MAGI3: variants seen among roughly 807,000 people sequenced by gnomAD.
The protein encoded by MAGI3 is membrane associated guanylate kinase, WW and PDZ domain containing 3.
MAGI3 carries 43 observed loss-of-function variants against 121.8 expected under a neutral mutation model. The observed-to-expected ratio is 0.35, with a 90% confidence interval of 0.28 to 0.46. MAGI3 has a LOEUF of 0.46. Among genes scored for constraint, MAGI3 ranks in the 20% least tolerant of loss-of-function variants. The pLI is 1.00. For missense variants in MAGI3, 1,547 were observed against 1,797.3 expected, an observed-to-expected ratio of 0.86 and a Z score of 2.52; for synonymous variants, 553 against 639.3, an observed-to-expected ratio of 0.86 and a Z score of 2.04.
intron 1 of MAGI3, among the ~76,000 whole-genome samples, chr1:113,461,554 A>G (rs2101517627): frequency 6.6e-6 from 1 of 152,344 alleles, no homozygotes; most frequent in Non-Finnish European, 1.5e-5. Context: ...CCTTCCTTGC[A>G]CCATATATAA....
intron 16 of MAGI3, among the ~76,000 whole-genome samples, chr1:113,662,257 ATATGG>A (rs1404328983): frequency 2.0e-5 from 3 of 152,110 alleles, no homozygotes; most frequent in Non-Finnish European, 4.4e-5. Context: ...GTTGCCAAGG[ATATGG>A]TAAGGCAAGT....
At chr1:113,524,841 T>C (rs990782978) in intron 1 of MAGI3, among the ~76,000 whole-genome samples, 2 of 152,180 alleles carry the variant, frequency 1.3e-5, no homozygotes, top group African/African-American at 4.8e-5. Context: ...CAGAATGATA[T>C]GGTTTGGCTG....
At chr1:113,483,460 T>A (rs1425497173) in intron 1 of MAGI3, among the ~76,000 whole-genome samples, 1 of 152,192 alleles carries the variant, frequency 6.6e-6, no homozygotes, top group Non-Finnish European at 1.5e-5. Flanking sequence ...GTCCTCTGGC[T>A]TGTGAGGGCA....
At chr1:113,436,812 T>G (rs1206189083) in intron 1 of MAGI3, among the ~76,000 whole-genome samples, 1 of 122,556 alleles carries the variant, frequency 8.2e-6, no homozygotes, top group Admixed American at 7.9e-5. Context: ...AAAGACAGTC[T>G]TTTTTTTTTT....
intron 1 of MAGI3, among the ~76,000 whole-genome samples, chr1:113,444,043 A>T (rs770292270): frequency 3.7e-4 from 57 of 152,254 alleles, no homozygotes; most frequent in Non-Finnish European, 7.3e-4. Context: ...TCTGGAGTCT[A>T]CTGAAGGCTT....
chr1:113,654,043 C>T, intron 15 of MAGI3, 25 bp downstream of exon 15: 2 of 1,574,284 alleles, frequency 1.3e-6, no homozygotes, highest in Non-Finnish European at 1.7e-6. Flanking sequence ...ATCTTATTGT[C>T]TCTCCCTGCA....
chr1:113,413,512 A>G (rs1019208492), intron 1 of MAGI3, among the ~76,000 whole-genome samples: 9 of 152,198 alleles, frequency 5.9e-5, no homozygotes, highest in African/African-American at 1.9e-4. Flanking sequence ...ATCCATGTGC[A>G]TGGAATATTC....
chr1:113,554,395 C>T (rs1659903878), intron 2 of MAGI3, among the ~76,000 whole-genome samples: 1 of 149,862 alleles, frequency 6.7e-6, no homozygotes, highest in African/African-American at 2.5e-5. Flanking sequence ...GAACACGTAG[C>T]AATATAAACT....
At chr1:113,397,596 G>C (rs569411102) in intron 1 of MAGI3, among the ~76,000 whole-genome samples, 4 of 152,280 alleles carry the variant, frequency 2.6e-5, no homozygotes, top group African/African-American at 7.2e-5. Flanking sequence ...AAATTATTTT[G>C]TACAAGGGCA....
intron 1 of MAGI3, among the ~76,000 whole-genome samples, chr1:113,420,223 TG>T (rs1300248735): frequency 1.3e-5 from 2 of 152,174 alleles, no homozygotes; most frequent in Non-Finnish European, 2.9e-5. Flanking sequence ...TAAACATTGG[TG>T]GGTCTACACG....
rs529026621 is a variant in MAGI3 at position 113,654,197 on chromosome 1, T to G, written c.2629+179T>G. On this transcript the variant is annotated intron_variant, in intron 15 of 20. Coordinates refer to ENST00000307546, the MANE Select transcript of MAGI3 (RefSeq NM_001142782.2). ...GTAATTTGAACCGAACCTTCCAGGC[T>G]TCAAGTTTATCTATTATCTCACATT... 1.2e-3 allele frequency among the ~76,000 whole-genome samples: 180 copies of G among 152,352 alleles called. 3 individuals are homozygous for G. The highest frequency in any genetic ancestry group is 9.9e-3 in the South Asian group (48 of 4,826).
chr1:113,495,135 A>G (rs1327384124), intron 1 of MAGI3, among the ~76,000 whole-genome samples: 1 of 152,178 alleles, frequency 6.6e-6, no homozygotes. Context: ...AAATGCAACA[A>G]AATTGAAACC....
intron 1 of MAGI3, among the ~76,000 whole-genome samples, chr1:113,441,784 C>T (rs1376682465): frequency 6.6e-6 from 1 of 152,090 alleles, no homozygotes; most frequent in Admixed American, 6.5e-5. Flanking sequence ...AAGTTAAGAA[C>T]ATGGAAGATT....
chr1:113,419,739 A>G (rs1327926422), intron 1 of MAGI3, among the ~76,000 whole-genome samples: 2 of 152,200 alleles, frequency 1.3e-5, no homozygotes, highest in Non-Finnish European at 2.9e-5. Flanking sequence ...CACAAATTCA[A>G]TGGCATAAAA....
chr1:113,682,480 C>T, intron 20 of MAGI3: 1 of 1,334,332 alleles, frequency 7.5e-7, no homozygotes, highest in East Asian at 3.0e-5. Flanking sequence ...TTCTGGTTAC[C>T]ACAGTTTGGT....
Position 113,652,562 on chromosome 1 carries a change from A to C in MAGI3, c.2441-1268A>C, listed in dbSNP as rs540553718. On this transcript the variant is annotated intron_variant, in intron 14 of 20. Coordinates refer to ENST00000307546, the MANE Select transcript of MAGI3 (RefSeq NM_001142782.2). ...TTACAGTAAAATTGTGATGTTATAC[A>C]ACCTACGCTCTTCCCTGGAAAGAAT... is the stretch of plus-strand genomic sequence containing the variant. 2.0e-5 allele frequency among the ~76,000 whole-genome samples: 3 copies of C among 152,326 alleles called. No individual in the cohort carries two copies. The South Asian group carries it at 6.2e-4, about 32-fold the overall frequency.
At chr1:113,480,876 G>C (rs187422741) in intron 1 of MAGI3, among the ~76,000 whole-genome samples, 45 of 152,214 alleles carry the variant, frequency 3.0e-4, no homozygotes, top group Non-Finnish European at 5.1e-4. Context: ...TCCGCCAGTA[G>C]GAAACCTTTT....
intron 1 of MAGI3, among the ~76,000 whole-genome samples, chr1:113,470,430 T>G (rs905047153): frequency 6.6e-6 from 1 of 152,140 alleles, no homozygotes; most frequent in Non-Finnish European, 1.5e-5. Context: ...TTAGAAAACT[T>G]CACAGTTACA....
chr1:113,631,294 C>A (rs1335824691), intron 9 of MAGI3, among the ~76,000 whole-genome samples: 1 of 152,084 alleles, frequency 6.6e-6, no homozygotes, highest in Non-Finnish European at 1.5e-5. Flanking sequence ...TGCTCACCTG[C>A]TTTTTGTCTC....
Sources: gnomAD v4.1 joint callset for allele counts (sites outside exome capture counted in the v4.1 genomes callset) on GRCh38, gnomAD v4.1.1 for gene constraint, MANE v1.5 for transcripts, NCBI Gene and HGNC (gene_info 2026-07-23, HGNC 2026-07-21) for gene names.